The following PARVA variants were observed in gnomAD, a reference collection of about 807,000 sequenced individuals.
The protein encoded by PARVA is parvin alpha.
A neutral mutation model predicts 52.6 loss-of-function variants in PARVA; 25 were observed. That is an observed-to-expected ratio of 0.48 (90% CI 0.35 to 0.66). PARVA has a LOEUF of 0.66. PARVA is among the 30% of genes least tolerant of loss of function. PARVA has a pLI of 0.01. For missense variants in PARVA, 373 were observed against 450.9 expected, an observed-to-expected ratio of 0.83 and a Z score of 1.56; for synonymous variants, 185 against 179.1, an observed-to-expected ratio of 1.03 and a Z score of -0.26.
intron 7 of PARVA, among the ~76,000 whole-genome samples, chr11:12,509,512 C>T (rs577734367): frequency 1.4e-3 from 217 of 152,298 alleles, no homozygotes; most frequent in Non-Finnish European, 2.5e-3. Flanking sequence ...GCACAGCTGA[C>T]CCGTACCTGC....
chr11:12,497,310 T>C (rs1159728927), intron 5 of PARVA, among the ~76,000 whole-genome samples: 1 of 152,158 alleles, frequency 6.6e-6, no homozygotes, highest in Non-Finnish European at 1.5e-5. Flanking sequence ...TTGTAATAGA[T>C]AAAAATATGA....
At chr11:12,392,051 TCTA>T (rs1321491213) in intron 1 of PARVA, among the ~76,000 whole-genome samples, 2 of 152,038 alleles carry the variant, frequency 1.3e-5, no homozygotes, top group Non-Finnish European at 2.9e-5. Context: ...TTGTCACTAA[TCTA>T]CTTTCTGTTT....
chr11:12,527,999 A>T lies in PARVA; in HGVS notation c.*74A>T, dbSNP rs2135094453. The T allele has an allele frequency of 9.8e-7, 1 of 1,023,318 alleles. No homozygotes were observed. The highest frequency in any genetic ancestry group is 1.3e-5 in the South Asian group (1 of 79,144). 63.4% of individuals were successfully genotyped at this position (1,023,318 alleles called of 1,614,324 possible). A position where few individuals can be genotyped will look rare whatever the true frequency, so the allele number is the denominator to read the frequency against. On this transcript the variant is annotated 3_prime_UTR_variant, in exon 13 of 13. Transcript: ENST00000334956. ...ACTGGACCCTCCTCCGAACTGCCTT[A>T]CCCTGCTTATTCCTGTCTCTTGCAC...
At position 12,529,458 on chromosome 11, in the gene PARVA, A is replaced by G. The variant is rs1941745389; in HGVS notation, c.*1533A>G. 1 of 152,226 alleles carries G rather than the reference A, an allele frequency of 6.6e-6. No homozygotes were observed. The highest frequency in any genetic ancestry group is 1.5e-5 in the Non-Finnish European group (1 of 68,044). The allele number at this position is 152,226 out of a possible 1,614,324, so 9.4% of individuals were successfully genotyped here. A position where few individuals can be genotyped will look rare whatever the true frequency, so the allele number is the denominator to read the frequency against. ...TCAACTGACTGAGACCTTGGGCTAA[A>G]TAATCAATTGTGCTGATATTACATC... is the stretch of plus-strand genomic sequence containing the variant. On this transcript the variant is annotated 3_prime_UTR_variant, in exon 13 of 13. Coordinates refer to ENST00000334956, the MANE Select transcript of PARVA (RefSeq NM_018222.5).
At chr11:12,405,876 T>G (rs1430746992) in intron 1 of PARVA, among the ~76,000 whole-genome samples, 1 of 152,160 alleles carries the variant, frequency 6.6e-6, no homozygotes, top group Non-Finnish European at 1.5e-5. Context: ...GAGAATTGCT[T>G]GAACCTGGGA....
chr11:12,490,386 A>G (rs1941219364), intron 4 of PARVA, among the ~76,000 whole-genome samples: 3 of 150,628 alleles, frequency 2.0e-5, no homozygotes, highest in Non-Finnish European at 3.0e-5. Flanking sequence ...TAGCCAGGCA[A>G]TAGTGGCGCA....
intron 1 of PARVA, among the ~76,000 whole-genome samples, chr11:12,423,816 G>T (rs1210944934): frequency 6.6e-6 from 1 of 152,146 alleles, no homozygotes; most frequent in Non-Finnish European, 1.5e-5. Context: ...CACTATTTTA[G>T]TAGAGTCTTT....
At chr11:12,520,141 G>A (rs752439420) in intron 12 of PARVA, among the ~76,000 whole-genome samples, 1 of 152,168 alleles carries the variant, frequency 6.6e-6, no homozygotes, top group Non-Finnish European at 1.5e-5. Flanking sequence ...TGGAATATAG[G>A]TGATATTTTT....
chr11:12,491,904 C>G (rs1202998303), intron 4 of PARVA, among the ~76,000 whole-genome samples: 1 of 152,140 alleles, frequency 6.6e-6, no homozygotes, highest in African/African-American at 2.4e-5. Context: ...TCATGGAACA[C>G]TTAACGAAAT....
chr11:12,449,552 T>C (rs992086993), intron 1 of PARVA, among the ~76,000 whole-genome samples: 1 of 152,240 alleles, frequency 6.6e-6, no homozygotes, highest in Non-Finnish European at 1.5e-5. Flanking sequence ...CTTCATGGAC[T>C]TACTGCTGCT....
chr11:12,406,491 C>G (rs1939908439), intron 1 of PARVA, among the ~76,000 whole-genome samples: 1 of 119,814 alleles, frequency 8.3e-6, no homozygotes, highest in South Asian at 2.5e-4. Flanking sequence ...CTGCATATCC[C>G]ACTTTTGTAT....
At chr11:12,476,201 A>G (rs1941011950) in intron 3 of PARVA, among the ~76,000 whole-genome samples, 1 of 152,146 alleles carries the variant, frequency 6.6e-6, no homozygotes, top group Admixed American at 6.5e-5. Context: ...GGAGATGCAC[A>G]TAGGCCTGAG....
At chr11:12,518,424 T>C (rs953003460) in intron 11 of PARVA, 21 bp from the exon 12 acceptor site, 2 of 1,602,474 alleles carry the variant, frequency 1.2e-6, no homozygotes, top group African/African-American at 1.3e-5. Context: ...TGGTACATGC[T>C]GTCTGCATCT....
chr11:12,377,726 G>A lies in PARVA; in HGVS notation c.79G>A (p.Asp27Asn). 6.4e-7 allele frequency: 1 copy of A among 1,565,000 alleles called. No homozygotes were observed. The highest frequency in any genetic ancestry group is 8.6e-7 in the Non-Finnish European group (1 of 1,160,246). The change falls in exon 1 of 13, where the codon GAT (aspartate) becomes AAT (asparagine). Residue 27 changes from aspartate to asparagine, a missense_variant. Transcript: ENST00000334956. The part of the protein sequence containing the change: ...PKSPPSRKKD[D>N]SFLGKLGGTL... ...GTCGCCCCCGTCCCGCAAGAAAGAT[G>A]ATTCCTTCTTGGGGAAACTCGGAGG...
At chr11:12,526,215 G>GAAAT (rs1399259567) in intron 12 of PARVA, among the ~76,000 whole-genome samples, 1 of 149,104 alleles carries the variant, frequency 6.7e-6, no homozygotes, top group Non-Finnish European at 1.5e-5. Flanking sequence ...AAAAGCTATT[G>GAAAT]AAATAAAAAA....
intron 4 of PARVA, among the ~76,000 whole-genome samples, chr11:12,485,597 G>GTCTAAATACCCTTA (rs1189739132): frequency 6.6e-6 from 1 of 152,210 alleles, no homozygotes; most frequent in Non-Finnish European, 1.5e-5. Context: ...ATAACCCAAA[G>GTCTAAATACCCTTA]TCTAAATACC....
At position 12,532,971 on chromosome 11, in the gene PARVA, G is replaced by A. The variant is rs139889649; in HGVS notation, c.*5046G>A. ...GGGAAAGCTACGTCAGCAATATGGA[G>A]TCTGGGGTTGCCTTTCTCATGTCAT... On this transcript the variant is annotated 3_prime_UTR_variant, in exon 13 of 13. Coordinates refer to ENST00000334956, the MANE Select transcript of PARVA (RefSeq NM_018222.5). Among the ~76,000 whole-genome samples, 4 of 152,344 alleles carry A rather than the reference G, an allele frequency of 2.6e-5. No individual in the cohort carries two copies. Among genetic ancestry groups the A allele is most frequent in the African/African-American group, 7.2e-5 (3 of 41,586 alleles).
At chr11:12,524,631 G>A (rs1941678225) in intron 12 of PARVA, among the ~76,000 whole-genome samples, 1 of 152,162 alleles carries the variant, frequency 6.6e-6, no homozygotes, top group African/African-American at 2.4e-5. Flanking sequence ...CAAGTCACCT[G>A]CTGGGCCTAT....
intron 4 of PARVA, among the ~76,000 whole-genome samples, chr11:12,494,473 A>G (rs546707133): frequency 3.3e-5 from 5 of 152,330 alleles, no homozygotes; most frequent in African/African-American, 1.2e-4. Flanking sequence ...TATGAATAAC[A>G]AAAGATGTTC....
Sources: allele counts gnomAD v4.1 joint callset (sites outside exome capture counted in the v4.1 genomes callset), GRCh38; gene constraint gnomAD v4.1.1; transcripts MANE v1.5; gene names NCBI Gene and HGNC (gene_info 2026-07-23, HGNC 2026-07-21).